Variants in DLG2 observed in about 807,000 individuals in gnomAD.
DLG2 encodes disks large homolog 2.
A neutral mutation model predicts 132.5 loss-of-function variants in DLG2; 45 were observed. That is an observed-to-expected ratio of 0.34 (90% confidence interval 0.27 to 0.44). The LOEUF is 0.44. Among genes scored for constraint, DLG2 ranks in the 20% least tolerant of loss-of-function variants. The pLI is 1.00. For missense variants in DLG2, 1,045 were observed against 1,196.9 expected (o/e 0.87, Z 1.87); for synonymous variants, 424 against 419.6 (o/e 1.01, Z -0.13).
chr11:85,273,011 C>G (rs577023977), intron 4 of DLG2, among the ~76,000 whole-genome samples: 1 of 152,124 alleles, frequency 6.6e-6, no homozygotes, highest in South Asian at 2.1e-4. Context: ...GGAAAGGATT[C>G]CCTATTTAAT....
intron 6 of DLG2, among the ~76,000 whole-genome samples, chr11:85,070,814 T>C (rs2065745334): frequency 6.6e-6 from 1 of 151,858 alleles, no homozygotes; most frequent in African/African-American, 2.4e-5. Flanking sequence ...TGTTCTAAAA[T>C]CTCATAGCAT....
intron 3 of DLG2, among the ~76,000 whole-genome samples, chr11:85,551,758 AACAATGTGCC>A (rs1372221399): frequency 1.3e-5 from 2 of 152,088 alleles, no homozygotes; most frequent in Non-Finnish European, 2.9e-5. Context: ...CTTCCAGAGT[AACAATGTGCC>A]ACAATGAGTA....
chr11:84,016,075 C>A (rs1010898404), intron 11 of DLG2, among the ~76,000 whole-genome samples: 1 of 152,092 alleles, frequency 6.6e-6, no homozygotes, highest in African/African-American at 2.4e-5. Flanking sequence ...AATAGCCATT[C>A]TGACTGGTGT....
rs181832660 is a variant in DLG2, at chr11:84,782,934, C to T, written c.358-248203G>A. Among the ~76,000 whole-genome samples, 224 of 152,284 alleles carry T rather than the reference C, an allele frequency of 1.5e-3. 11 individuals are homozygous for T. Among genetic ancestry groups the T allele is most frequent in the Admixed American group, 0.013 (193 of 15,284 alleles). On this transcript the variant is annotated intron_variant, in intron 6 of 27. Coordinates refer to ENST00000376104, the MANE Select transcript of DLG2 (RefSeq NM_001142699.3). ...AGTCCTCATCCTCACATATGAGAAA[C>T]TGCAGTAGCATCGTGTAGCATCTTG... is the stretch of plus-strand genomic sequence containing the variant.
chr11:84,639,575 T>G (rs1187921341), intron 6 of DLG2, among the ~76,000 whole-genome samples: 1 of 152,180 alleles, frequency 6.6e-6, no homozygotes, highest in Non-Finnish European at 1.5e-5. Context: ...GGTGAGGTCA[T>G]AAGGCTAATT....
At chr11:84,185,482 G>A (rs1028748373) in intron 8 of DLG2, among the ~76,000 whole-genome samples, 85 of 152,202 alleles carry the variant, frequency 5.6e-4, no homozygotes, top group African/African-American at 1.9e-3. Flanking sequence ...CTGAGACGAC[G>A]GGGTTTTCTA....
chr11:84,496,777 A>G (rs1399488722), intron 7 of DLG2, among the ~76,000 whole-genome samples: 2 of 152,092 alleles, frequency 1.3e-5, no homozygotes, highest in African/African-American at 4.8e-5. Flanking sequence ...TTCACGGTTC[A>G]CTGGAATAAA....
intron 7 of DLG2, among the ~76,000 whole-genome samples, chr11:84,393,673 C>T (rs781131291): frequency 9.9e-5 from 15 of 150,998 alleles, no homozygotes; most frequent in Non-Finnish European, 1.9e-4. Context: ...TCTTAATTTG[C>T]CCAAACTGTT....
intron 6 of DLG2, among the ~76,000 whole-genome samples, chr11:84,753,159 C>G (rs900220318): frequency 6.6e-6 from 1 of 152,152 alleles, no homozygotes; most frequent in African/African-American, 2.4e-5. Flanking sequence ...ATTCAAGAGA[C>G]AGCAAAAGAT....
At chr11:84,686,787 G>A (rs2099738620) in intron 6 of DLG2, 1 of 152,012 alleles carries the variant, frequency 6.6e-6, no homozygotes, top group Admixed American at 6.5e-5. Context: ...GAGACTTGTG[G>A]TTGGGGGGTG....
At chr11:85,443,573 TAC>T (rs1449328161) in intron 3 of DLG2, among the ~76,000 whole-genome samples, 8 of 152,252 alleles carry the variant, frequency 5.3e-5, no homozygotes, top group East Asian at 1.9e-4. Flanking sequence ...TTAAATGTGC[TAC>T]ACAGTTTCTC....
chr11:84,233,078 A>C (rs549990558), intron 8 of DLG2, among the ~76,000 whole-genome samples: 2 of 152,266 alleles, frequency 1.3e-5, no homozygotes, highest in African/African-American at 4.8e-5. Flanking sequence ...AGCTTCCTCC[A>C]CAATTTTGAG....
intron 4 of DLG2, among the ~76,000 whole-genome samples, chr11:85,195,751 C>T (rs1182666497): frequency 6.6e-6 from 1 of 152,020 alleles, no homozygotes; most frequent in African/African-American, 2.4e-5. Flanking sequence ...TGGTCTCGAT[C>T]TTCTGACCTC....
At chr11:84,964,774 A>C (rs2053088478) in intron 6 of DLG2, among the ~76,000 whole-genome samples, 1 of 152,226 alleles carries the variant, frequency 6.6e-6, no homozygotes, top group Admixed American at 6.5e-5. Context: ...GGCTTAGGTT[A>C]ATAGCAGCTA....
At chr11:83,762,796 T>A (rs2093967610) in intron 18 of DLG2, among the ~76,000 whole-genome samples, 1 of 152,164 alleles carries the variant, frequency 6.6e-6, no homozygotes, top group South Asian at 2.1e-4. Flanking sequence ...TTAACCAGGA[T>A]GGTCTCGATC....
rs140226257 is a variant in DLG2 at position 84,805,367 on chromosome 11, C to T, written c.358-270636G>A. 6.1e-4 allele frequency among the ~76,000 whole-genome samples: 93 copies of T among 152,050 alleles called. 1 individual carries two copies. Among genetic ancestry groups the T allele is most frequent in the African/African-American group, 2.1e-3 (85 of 41,442 alleles). On this transcript the variant is annotated intron_variant, in intron 6 of 27. Coordinates refer to ENST00000376104, the MANE Select transcript of DLG2 (RefSeq NM_001142699.3). ...AGAAAATCAGTCATATTACCAAGAA[C>T]CAAAAAGACCTAAAGTAGAGAAAAA... is the stretch of plus-strand genomic sequence containing the variant.
intron 8 of DLG2, among the ~76,000 whole-genome samples, chr11:84,237,079 C>T (rs1297821668): frequency 1.3e-5 from 2 of 152,040 alleles, no homozygotes; most frequent in African/African-American, 2.4e-5. Context: ...CAGGCGCGTG[C>T]CACCACCCCC....
At chr11:83,775,861 G>C (rs1006147139) in intron 18 of DLG2, among the ~76,000 whole-genome samples, 8 of 152,128 alleles carry the variant, frequency 5.3e-5, no homozygotes, top group Non-Finnish European at 1.2e-4. Flanking sequence ...GGGAGGCCAA[G>C]GCGGGCGGAT....
rs2093452574 is a variant in DLG2 at position 85,487,381 on chromosome 11, T to G, written c.40+111276A>C. Among the ~76,000 whole-genome samples, 4 of 146,224 alleles carry G rather than the reference T, an allele frequency of 2.7e-5. No homozygotes were observed. In the South Asian group the frequency reaches 6.4e-4, roughly 23 times the overall value. Reference sequence around the variant, plus strand: ...AAATACTGATTTTAAAGATGCTCAGTGAGATACAAGAAAACTCTACAAAAT... The same window carrying G: ...AAATACTGATTTTAAAGATGCTCAGGGAGATACAAGAAAACTCTACAAAAT... On this transcript the variant is annotated intron_variant, in intron 3 of 27. Transcript: ENST00000376104.
Sources: allele counts gnomAD v4.1 joint callset (sites outside exome capture counted in the v4.1 genomes callset), GRCh38; gene constraint gnomAD v4.1.1; transcripts MANE v1.5; gene names NCBI Gene and HGNC (gene_info 2026-07-23, HGNC 2026-07-21).